HERC5: variants seen among roughly 807,000 people sequenced by gnomAD.
The protein encoded by HERC5 is HECT and RLD domain containing E3 ubiquitin protein ligase 5.
A neutral mutation model predicts 119.6 loss-of-function variants in HERC5; 99 were observed. That is an observed-to-expected ratio of 0.83 (90% CI 0.70 to 0.98). HERC5 has a LOEUF of 0.98. Among genes scored for constraint, HERC5 ranks in the 50% least tolerant of loss-of-function variants. The pLI is 0.00. For synonymous variants in HERC5, 478 were observed against 445.9 expected, an observed-to-expected ratio of 1.07 and a Z score of -0.91; for missense variants, 1,267 against 1,241.3, an observed-to-expected ratio of 1.02 and a Z score of -0.31.
Position 88,479,342 on chromosome 4 carries a change from G to A in HERC5, c.1583-11G>A, listed in dbSNP as rs1236169232. ...ATTTTTTAAAAAATTTGCTTTCCTT[G>A]TGTTCCTCAGAAGAGTATTGGGCAA... On this transcript the variant is annotated splice_polypyrimidine_tract_variant and intron_variant, in intron 12 of 22. Coordinates refer to ENST00000264350, the MANE Select transcript of HERC5 (RefSeq NM_016323.4). The A allele has an allele frequency of 1.1e-5, 17 of 1,535,960 alleles. No individual in the cohort carries two copies. The highest frequency in any genetic ancestry group is 1.5e-5 in the Non-Finnish European group (17 of 1,143,372).
chr4:88,469,067 C>T, intron 8 of HERC5, 90 bp from the exon 9 acceptor site: 1 of 714,774 alleles, frequency 1.4e-6, no homozygotes, highest in Non-Finnish European at 2.4e-6. Context: ...ATTTAAAAGT[C>T]AGTTTTACTC....
intron 18 of HERC5, among the ~76,000 whole-genome samples, chr4:88,498,684 C>T (rs1741867217): frequency 6.6e-6 from 1 of 152,184 alleles, no homozygotes; most frequent in South Asian, 2.1e-4. Context: ...GATTCTCGTC[C>T]CTCAGCCTCC....
At chr4:88,464,353 C>T (rs1370763141) in intron 6 of HERC5, among the ~76,000 whole-genome samples, 3 of 152,042 alleles carry the variant, frequency 2.0e-5, no homozygotes, top group Non-Finnish European at 4.4e-5. Flanking sequence ...ATCACCCTCT[C>T]TGACAATGCC....
intron 18 of HERC5, 61 bp from the exon 19 acceptor site, chr4:88,499,865 G>C: frequency 8.8e-7 from 1 of 1,142,624 alleles, no homozygotes; most frequent in Non-Finnish European, 1.3e-6. Context: ...ATTTATTTTA[G>C]ATGCTGTGTC....
Position 88,499,942 on chromosome 4 carries a change from C to T in HERC5, c.2461C>T (p.Leu821=). Residue 821 remains leucine (L), a synonymous_variant, in exon 19 of 23, where the codon CTG becomes TTG. Coordinates refer to ENST00000264350, the MANE Select transcript of HERC5 (RefSeq NM_016323.4). The part of the protein sequence containing the change: ...PDLGKNLQTL[L]DDEGDNFEEV... The stretch of plus-strand genomic sequence containing the variant: ...TTTCCTTAGGAATTTGCAAACACTT[C>T]TGGATGATGAAGGTGATAACTTTGA... The T allele has an allele frequency of 2.5e-6, 4 of 1,608,500 alleles. No homozygotes were observed. Among genetic ancestry groups the T allele is most frequent in the Non-Finnish European group, 3.4e-6 (4 of 1,175,294 alleles).
At chr4:88,469,919 TG>T (rs1227463032) in intron 9 of HERC5, among the ~76,000 whole-genome samples, 2 of 152,186 alleles carry the variant, frequency 1.3e-5, no homozygotes, top group African/African-American at 4.8e-5. Flanking sequence ...TGTGACTCTC[TG>T]GCCAGAAAAT....
At chr4:88,481,280 T>G (rs989114705) in intron 13 of HERC5, among the ~76,000 whole-genome samples, 3 of 152,218 alleles carry the variant, frequency 2.0e-5, no homozygotes, top group African/African-American at 7.2e-5. Context: ...CTCGAACTCC[T>G]GAGCTCAAAT....
intron 6 of HERC5, among the ~76,000 whole-genome samples, chr4:88,466,274 G>A (rs953994345): frequency 6.6e-6 from 1 of 151,988 alleles, no homozygotes; most frequent in Non-Finnish European, 1.5e-5. Context: ...TAGAGATAGG[G>A]TCTCCTTATA....
At chr4:88,459,042 A>G (rs1740306552) in intron 1 of HERC5, among the ~76,000 whole-genome samples, 1 of 152,172 alleles carries the variant, frequency 6.6e-6, no homozygotes, top group African/African-American at 2.4e-5. Flanking sequence ...TGTCATTTCA[A>G]ATTTCGTTCG....
At chr4:88,495,958 A>G (rs1388049745) in intron 18 of HERC5, among the ~76,000 whole-genome samples, 1 of 152,114 alleles carries the variant, frequency 6.6e-6, no homozygotes, top group African/African-American at 2.4e-5. Flanking sequence ...AATATTGAGG[A>G]CTCCAAAGCG....
intron 16 of HERC5, among the ~76,000 whole-genome samples, chr4:88,492,762 C>T (rs1741687052): frequency 6.6e-6 from 1 of 151,868 alleles, no homozygotes; most frequent in Non-Finnish European, 1.5e-5. Flanking sequence ...CAAAACAAAA[C>T]AAAAAAACTA....
chr4:88,474,766 G>C (rs1309256977), intron 11 of HERC5, among the ~76,000 whole-genome samples: 1 of 152,132 alleles, frequency 6.6e-6, no homozygotes, highest in Non-Finnish European at 1.5e-5. Flanking sequence ...TTTCTCATCA[G>C]TAAAATGGGA....
chr4:88,485,166 C>T (rs1384280419), intron 13 of HERC5, among the ~76,000 whole-genome samples: 1 of 151,976 alleles, frequency 6.6e-6, no homozygotes, highest in African/African-American at 2.4e-5. Context: ...AGGAGAATCA[C>T]AAGAAATACT....
chr4:88,486,332 G>A, intron 14 of HERC5, 104 bp downstream of exon 14: 2 of 647,530 alleles, frequency 3.1e-6, no homozygotes, highest in Non-Finnish European at 5.4e-6. Context: ...GGACTTGTGG[G>A]AAACATTAAG....
At chr4:88,463,248 A>C (rs988183286) in intron 4 of HERC5, among the ~76,000 whole-genome samples, 4 of 152,206 alleles carry the variant, frequency 2.6e-5, no homozygotes, top group Admixed American at 6.5e-5. Context: ...GAAATATCTA[A>C]TGTGCTGCAA....
At chr4:88,462,807 T>C (rs1413472993) in intron 4 of HERC5, among the ~76,000 whole-genome samples, 2 of 152,216 alleles carry the variant, frequency 1.3e-5, no homozygotes, top group Non-Finnish European at 2.9e-5. Flanking sequence ...CCTGATCTTA[T>C]TCTATAAGGT....
At position 88,457,397 on chromosome 4, in the gene HERC5, A is replaced by G. The variant is rs1483001841; in HGVS notation, c.128A>G (p.His43Arg). ...LWLFPSAAGLHRALLRRVEVT... is the reference protein window; with the variant it reads ...LWLFPSAAGLRRALLRRVEVT... ...CTCTTTCCCAGCGCCGCGGGCCTCCACCGCGCGCTGCTCCGGAGGGTGGAG... is the reference window on the plus strand; with the variant it reads ...CTCTTTCCCAGCGCCGCGGGCCTCCGCCGCGCGCTGCTCCGGAGGGTGGAG... The change falls in exon 1 of 23, where the codon CAC (histidine) becomes CGC (arginine). Residue 43 changes from histidine (H) to arginine (R), a missense_variant. This residue lies in a region of HERC5 where 777 missense variants were observed against 758.0 expected (regional missense o/e 1.03). Transcript: ENST00000264350. 2 of 1,398,364 alleles carry G rather than the reference A, an allele frequency of 1.4e-6. No individual in the cohort carries two copies. The highest frequency in any genetic ancestry group is 1.9e-6 in the Non-Finnish European group (2 of 1,078,322). 86.6% of individuals were successfully genotyped at this position (1,398,364 alleles called of 1,614,324 possible). A position where few individuals can be genotyped will look rare whatever the true frequency, so the allele number is the denominator to read the frequency against.
intron 13 of HERC5, among the ~76,000 whole-genome samples, chr4:88,483,941 C>T (rs1242008704): frequency 6.6e-6 from 1 of 151,936 alleles, no homozygotes; most frequent in Non-Finnish European, 1.5e-5. Flanking sequence ...TTTGAAATTC[C>T]AGTTATTGAC....
At chr4:88,457,744 G>A (rs984648708) in intron 1 of HERC5, 20 of 642,742 alleles carry the variant, frequency 3.1e-5, no homozygotes, top group African/African-American at 5.7e-5. Flanking sequence ...GGATACTGGC[G>A]ACCAGCGGAT....
Sources: allele counts gnomAD v4.1 joint callset (sites outside exome capture counted in the v4.1 genomes callset), GRCh38; gene constraint gnomAD v4.1.1; regional missense constraint gnomAD v4.1.1; transcripts MANE v1.5; gene names NCBI Gene and HGNC (gene_info 2026-07-23, HGNC 2026-07-21).